Variants in RHOH observed in about 807,000 individuals in gnomAD.
RHOH encodes the protein ras homolog family member H.
A neutral mutation model predicts 13.8 loss-of-function variants in RHOH; 6 were observed. That is an observed-to-expected ratio of 0.44 (90% confidence interval 0.24 to 0.86). The LOEUF (loss-of-function observed/expected upper bound fraction) is 0.86, where lower values mean the gene tolerates loss of function less well. Ranked by LOEUF, RHOH falls within the 40% of genes least tolerant of loss-of-function variation. RHOH has a pLI of 0.24. For missense variants in RHOH, 147 were observed against 244.5 expected (o/e 0.60, Z 2.66); for synonymous variants, 117 against 103.0 (o/e 1.14, Z -0.82).
In RHOH at chr4:40,233,538, T is replaced by C. The variant is rs1728199624; in HGVS notation, c.-330-9176T>C. ...GACCCCAGGTCTACATGCCCCTTCTTACTCTGAACTACCTTTCTGTCTAGT... is the reference window on the plus strand; with the variant it reads ...GACCCCAGGTCTACATGCCCCTTCTCACTCTGAACTACCTTTCTGTCTAGT... On this transcript the variant is annotated intron_variant, in intron 1 of 2. Transcript: ENST00000381799. 2.0e-5 allele frequency among the ~76,000 whole-genome samples: 3 copies of C among 152,194 alleles called. 1 individual carries two copies. Among genetic ancestry groups the C allele is most frequent in the African/African-American group, 7.2e-5 (3 of 41,434 alleles).
intron 1 of RHOH, among the ~76,000 whole-genome samples, chr4:40,215,128 A>G (rs1476663316): frequency 1.3e-5 from 2 of 152,120 alleles, no homozygotes; most frequent in African/African-American, 2.4e-5. Flanking sequence ...AAGGCTGCCC[A>G]TTTTCTTTCA....
chr4:40,201,546 G>A (rs1021392942), intron 1 of RHOH, among the ~76,000 whole-genome samples: 5 of 152,118 alleles, frequency 3.3e-5, no homozygotes, highest in Admixed American at 1.3e-4. Flanking sequence ...TGCTATCTGA[G>A]CATCTGTTTT....
intron 1 of RHOH, among the ~76,000 whole-genome samples, chr4:40,202,893 G>T (rs1286511498): frequency 2.0e-5 from 3 of 152,050 alleles, no homozygotes; most frequent in African/African-American, 7.3e-5. Flanking sequence ...AAAAAAATAG[G>T]GGCTGACACC....
At chr4:40,196,952 C>T (rs1723207649), upstream of RHOH, 1 of 150,506 alleles carries the variant, frequency 6.6e-6, no homozygotes, top group Non-Finnish European at 1.5e-5. Flanking sequence ...CCCCCTAAAC[C>T]CACACAAATG....
intron 1 of RHOH, among the ~76,000 whole-genome samples, chr4:40,241,936 G>A (rs1431682931): frequency 6.6e-6 from 1 of 152,170 alleles, no homozygotes; most frequent in Non-Finnish European, 1.5e-5. Flanking sequence ...GGAATGCCAG[G>A]ATTTAGAGAA....
At chr4:40,196,919 G>A (rs1216775303), upstream of RHOH, 2 of 152,262 alleles carry the variant, frequency 1.3e-5, no homozygotes, top group African/African-American at 2.4e-5. Flanking sequence ...TTCTAATGGA[G>A]AGAAACGCAC....
upstream of RHOH, among the ~76,000 whole-genome samples, chr4:40,195,102 A>C (rs1722986753): frequency 6.6e-6 from 1 of 152,302 alleles, no homozygotes; most frequent in Non-Finnish European, 1.5e-5. Context: ...ATTCTCTGTA[A>C]TTAACCTCAC....
chr4:40,231,419 C>A (rs1392365853), intron 1 of RHOH, among the ~76,000 whole-genome samples: 2 of 150,154 alleles, frequency 1.3e-5, no homozygotes, highest in African/African-American at 4.9e-5. Context: ...ATGACCCTGG[C>A]TACCCCACTT....
intron 1 of RHOH, among the ~76,000 whole-genome samples, chr4:40,231,909 C>T (rs1358098476): frequency 1.3e-5 from 2 of 152,204 alleles, no homozygotes; most frequent in African/African-American, 2.4e-5. Flanking sequence ...TAGGTTTTTC[C>T]TTCATTGCTC....
At chr4:40,206,285 C>A (rs951426199) in intron 1 of RHOH, among the ~76,000 whole-genome samples, 1 of 152,164 alleles carries the variant, frequency 6.6e-6, no homozygotes, top group Non-Finnish European at 1.5e-5. Context: ...AAATATACAA[C>A]CCTTACTACG....
chr4:40,197,543 T>A (rs2109341398), intron 1 of RHOH, among the ~76,000 whole-genome samples: 1 of 152,296 alleles, frequency 6.6e-6, no homozygotes, highest in South Asian at 2.1e-4. Flanking sequence ...GGCTTTTTGG[T>A]TTTCCAGATA....
chr4:40,240,672 G>A (rs1167683603), intron 1 of RHOH, among the ~76,000 whole-genome samples: 5 of 152,108 alleles, frequency 3.3e-5, no homozygotes, highest in African/African-American at 1.2e-4. Context: ...AGCTGCTCGG[G>A]AGGCTGAGGC....
Position 40,244,068 on chromosome 4 carries a change from C to A in RHOH, c.*106C>A. 1 of 845,640 alleles carries A rather than the reference C, an allele frequency of 1.2e-6. No homozygotes were observed. Among genetic ancestry groups the A allele is most frequent in the Non-Finnish European group, 1.8e-6 (1 of 546,844 alleles). The allele number at this position is 845,640 out of a possible 1,614,324, so 52.4% of individuals were successfully genotyped here. A position where few individuals can be genotyped will look rare whatever the true frequency, so the allele number is the denominator to read the frequency against. On this transcript the variant is annotated 3_prime_UTR_variant, in exon 3 of 3. Coordinates refer to ENST00000381799, the MANE Select transcript of RHOH (RefSeq NM_004310.5). Reference sequence around the variant, plus strand: ...CTTGGTGTTTTCTCTGGGTACACCCCAAGCAGCGTCTCCTTTTGGATACAG... The same window carrying A: ...CTTGGTGTTTTCTCTGGGTACACCCAAAGCAGCGTCTCCTTTTGGATACAG...
chr4:40,238,939 C>T (rs540121926), intron 1 of RHOH, among the ~76,000 whole-genome samples: 14 of 152,264 alleles, frequency 9.2e-5, no homozygotes, highest in Admixed American at 3.3e-4. Context: ...TGATGTAACC[C>T]GCGGCAGCTC....
chr4:40,226,278 G>A (rs1441810388), intron 1 of RHOH, among the ~76,000 whole-genome samples: 1 of 152,126 alleles, frequency 6.6e-6, no homozygotes, highest in Admixed American at 6.6e-5. Context: ...TGTAGTCCCA[G>A]CACTTTGGGA....
intron 1 of RHOH, among the ~76,000 whole-genome samples, chr4:40,210,139 C>T (rs28630805): frequency 0.044 from 6,353 of 143,084 alleles, 440 homozygotes; most frequent in African/African-American, 0.16. Context: ...TGTTTCTTTC[C>T]GGCTTGGTTT....
At chr4:40,217,505 T>G (rs1406472902) in intron 1 of RHOH, among the ~76,000 whole-genome samples, 2 of 152,256 alleles carry the variant, frequency 1.3e-5, no homozygotes, top group African/African-American at 4.8e-5. Flanking sequence ...TCTTACTTTT[T>G]TCCTCTCTCT....
chr4:40,204,346 G>A (rs972378357), intron 1 of RHOH, among the ~76,000 whole-genome samples: 11 of 152,172 alleles, frequency 7.2e-5, no homozygotes, highest in African/African-American at 2.7e-4. Flanking sequence ...AGGGTCTGTC[G>A]GATGTGCAAG....
At chr4:40,210,735 G>A (rs1725173953) in intron 1 of RHOH, among the ~76,000 whole-genome samples, 1 of 152,120 alleles carries the variant, frequency 6.6e-6, no homozygotes, top group Admixed American at 6.5e-5. Flanking sequence ...CATCCCTTAA[G>A]GGAAGGATAT....
Sources: gnomAD v4.1 joint callset for allele counts (sites outside exome capture counted in the v4.1 genomes callset) on GRCh38, gnomAD v4.1.1 for gene constraint, MANE v1.5 for transcripts, NCBI Gene and HGNC (gene_info 2026-07-23, HGNC 2026-07-21) for gene names.